The following DYNLT1 variants were observed in gnomAD, a reference collection of about 807,000 sequenced individuals.
DYNLT1 encodes the protein dynein light chain Tctex-type 1, also known as T-complex testis-specific protein 1 homolog.
DYNLT1 carries 18 observed loss-of-function variants against 19.6 expected under a neutral mutation model. The observed-to-expected ratio is 0.92, with a 90% confidence interval of 0.64 to 1.36. DYNLT1 has a LOEUF of 1.36. DYNLT1 is among the 40% of genes most tolerant of loss of function. The pLI is 0.00. For synonymous variants in DYNLT1, 56 were observed against 44.0 expected, an observed-to-expected ratio of 1.27 and a Z score of -1.07; for missense variants, 137 against 139.3, an observed-to-expected ratio of 0.98 and a Z score of 0.08.
rs372218711 is a variant in DYNLT1 at position 158,636,790 on chromosome 6, G to T, written c.*37C>A. On this transcript the variant is annotated 3_prime_UTR_variant, in exon 5 of 5. Transcript: ENST00000367089. The stretch of plus-strand genomic sequence containing the variant: ...TGGCTGGTGGTTAGAGGATGAACTA[G>T]AGACAAAAGGAGAAAGGCCATAGGC... 4.4e-6 allele frequency: 7 copies of T among 1,586,736 alleles called. No homozygotes were observed. Among genetic ancestry groups the T allele is most frequent in the Non-Finnish European group, 6.0e-6 (7 of 1,164,408 alleles).
chr6:158,639,805 CAAGGAGCTGGG>C, intron 2 of DYNLT1, among the ~76,000 whole-genome samples: 1 of 152,136 alleles, frequency 6.6e-6, no homozygotes, highest in Non-Finnish European at 1.5e-5. Flanking sequence ...CTCAGCCTCC[CAAGGAGCTGGG>C]ACTACAGGCA....
At chr6:158,637,227 G>C in intron 3 of DYNLT1, 22 bp from the exon 4 acceptor site, 1 of 1,610,288 alleles carries the variant, frequency 6.2e-7, no homozygotes. Flanking sequence ...ACAAATTTTT[G>C]TTAGAGAAGT....
At position 158,636,849 on chromosome 6, in the gene DYNLT1, C is replaced by T. The variant is rs763673130; in HGVS notation, c.320G>A (p.Ser107Asn). 1 of 1,612,656 alleles carries T rather than the reference C, an allele frequency of 6.2e-7. No individual in the cohort carries two copies. Among genetic ancestry groups the T allele is most frequent in the African/African-American group, 1.3e-5 (1 of 75,020 alleles). The change falls in exon 5 of 5, where the codon AGT (serine) becomes AAT (asparagine). Residue 107 changes from serine to asparagine, a missense_variant. Physicochemically the swap from Ser to Asn is conservative, Grantham distance 46. Transcript: ENST00000367089. ...WENKTMYCIV[S>N]AFGLSI ...AGGTCAAATAGACAGTCCGAAGGCACTGACGATGCAGTACATGGTCTTATT... is the reference window on the plus strand; with the variant it reads ...AGGTCAAATAGACAGTCCGAAGGCATTGACGATGCAGTACATGGTCTTATT...
In DYNLT1 at chr6:158,636,906, G is replaced by A. The variant is rs751260476; in HGVS notation, c.272-9C>T. ...TCGCACAGTGCAGCTCCCTGCGGGA[G>A]GGAAGAGAGCAGCATTTACGGCAGG... On this transcript the variant is annotated splice_polypyrimidine_tract_variant and intron_variant, in intron 4 of 4. Transcript: ENST00000367089. 1.9e-6 allele frequency: 3 copies of A among 1,613,164 alleles called. No homozygotes were observed. The highest frequency in any genetic ancestry group is 1.7e-5 in the Admixed American group (1 of 59,898).
At chr6:158,638,219 TCTA>T (rs1413524179) in intron 2 of DYNLT1, among the ~76,000 whole-genome samples, 1 of 152,162 alleles carries the variant, frequency 6.6e-6, no homozygotes, top group African/African-American at 2.4e-5. Context: ...ATTACTTTTA[TCTA>T]CTACTACCTA....
chr6:158,643,350 C>T (rs1321949048), intron 1 of DYNLT1, among the ~76,000 whole-genome samples: 1 of 152,240 alleles, frequency 6.6e-6, no homozygotes, highest in Non-Finnish European at 1.5e-5. Flanking sequence ...AGCATTCAAA[C>T]ACTGATTATG....
At chr6:158,636,922 T>G (rs779693055) in intron 4 of DYNLT1, 25 bp from the exon 5 acceptor site, 28 of 1,612,170 alleles carry the variant, frequency 1.7e-5, no homozygotes, top group Non-Finnish European at 2.3e-5. Flanking sequence ...AGAGCAGCAT[T>G]TACGGCAGGG....
chr6:158,643,460 C>A (rs942995839), intron 1 of DYNLT1, among the ~76,000 whole-genome samples: 1 of 152,138 alleles, frequency 6.6e-6, no homozygotes, highest in Non-Finnish European at 1.5e-5. Flanking sequence ...TGAAAACATT[C>A]CTCCTTAAAC....
At chr6:158,641,461 G>C in intron 1 of DYNLT1, 101 bp from the exon 2 acceptor site, 1 of 1,059,004 alleles carries the variant, frequency 9.4e-7, no homozygotes, top group South Asian at 1.8e-5. Flanking sequence ...TAGAAATGAA[G>C]ACCTTAGAAA....
chr6:158,637,695 T>C (rs905641964), intron 3 of DYNLT1, 76 bp downstream of exon 3: 1 of 1,612,186 alleles, frequency 6.2e-7, no homozygotes, highest in Non-Finnish European at 8.5e-7. Flanking sequence ...TTAGCTGTTG[T>C]TTCTGGTACT....
intron 1 of DYNLT1, among the ~76,000 whole-genome samples, chr6:158,644,454 G>A (rs1787291324): frequency 6.6e-6 from 1 of 152,184 alleles, no homozygotes; most frequent in African/African-American, 2.4e-5. Context: ...TCCCCGCGCG[G>A]GAAGAAGCTC....
intron 2 of DYNLT1, among the ~76,000 whole-genome samples, chr6:158,640,931 A>G (rs1463254337): frequency 1.3e-5 from 2 of 152,246 alleles, no homozygotes; most frequent in African/African-American, 4.8e-5. Context: ...AAGAAAAGTA[A>G]GCAAATAGGC....
chr6:158,637,108 A>G lies in DYNLT1; in HGVS notation c.271+20T>C. On this transcript the variant is annotated intron_variant, in intron 4 of 4. Coordinates refer to ENST00000367089, the MANE Select transcript of DYNLT1 (RefSeq NM_006519.4). ...ATATTTCACACAACAAAACTTCACA[A>G]ACATGAATGAAAATCATACCGTCAG... 1 of 1,614,160 alleles carries G rather than the reference A, an allele frequency of 6.2e-7. No homozygotes were observed. The highest frequency in any genetic ancestry group is 1.1e-5 in the South Asian group (1 of 91,078).
chr6:158,641,558 A>G, intron 1 of DYNLT1, 198 bp from the exon 2 acceptor site: 1 of 417,204 alleles, frequency 2.4e-6, no homozygotes, highest in Non-Finnish European at 4.3e-6. Flanking sequence ...CATAATTTAA[A>G]GGTATTGTTT....
At position 158,644,699 on chromosome 6, in the gene DYNLT1, A is replaced by G; in HGVS notation, c.10T>C (p.Tyr4His). 1 of 1,611,932 alleles carries G rather than the reference A, an allele frequency of 6.2e-7. No individual in the cohort carries two copies. Among genetic ancestry groups the G allele is most frequent in the Non-Finnish European group, 8.5e-7 (1 of 1,179,692 alleles). MED[Y>H]QAAEETAFVV... Reference sequence around the variant, plus strand: ...GCGGTTACCTCCTCCGCAGCCTGGTAGTCTTCCATCTTTCCTCCGGCGCGT... The same window carrying G: ...GCGGTTACCTCCTCCGCAGCCTGGTGGTCTTCCATCTTTCCTCCGGCGCGT... Residue 4 changes from tyrosine to histidine, a missense_variant, in exon 1 of 5, where the codon TAC becomes CAC. By Grantham distance (83) the Tyr-to-His change is moderately conservative (BLOSUM62 2). Coordinates refer to ENST00000367089, the MANE Select transcript of DYNLT1 (RefSeq NM_006519.4).
intron 1 of DYNLT1, among the ~76,000 whole-genome samples, chr6:158,643,157 G>C (rs930522338): frequency 6.6e-6 from 1 of 152,140 alleles, no homozygotes; most frequent in Non-Finnish European, 1.5e-5. Flanking sequence ...AGTCAGAATC[G>C]GACTGCAGTA....
chr6:158,637,551 G>A (rs1223821546), intron 3 of DYNLT1: 1 of 690,270 alleles, frequency 1.4e-6, no homozygotes, highest in South Asian at 1.8e-5. Flanking sequence ...AAAAGCATCT[G>A]ATGGGACCTC....
At chr6:158,637,094 A>G (rs759504987) in intron 4 of DYNLT1, 34 bp downstream of exon 4, 7 of 1,613,684 alleles carry the variant, frequency 4.3e-6, no homozygotes, top group Non-Finnish European at 5.9e-6. Context: ...TATTTCACAC[A>G]ACAAAACTTC....
intron 2 of DYNLT1, 41 bp from the exon 3 acceptor site, chr6:158,637,935 G>A: frequency 6.3e-7 from 1 of 1,595,342 alleles, no homozygotes; most frequent in Non-Finnish European, 8.5e-7. Flanking sequence ...TTAACCAAAT[G>A]CACCCACACC....
Sources: gnomAD v4.1 joint callset for allele counts (sites outside exome capture counted in the v4.1 genomes callset) on GRCh38, gnomAD v4.1.1 for gene constraint, MANE v1.5 for transcripts, NCBI Gene and HGNC (gene_info 2026-07-23, HGNC 2026-07-21) for gene names.